TRAPPC9: variants seen among roughly 807,000 people sequenced by gnomAD.
TRAPPC9 encodes the protein trafficking protein particle complex subunit 9.
In TRAPPC9, 83 loss-of-function variants were observed where a neutral mutation model predicts 124.0. The observed-to-expected ratio is 0.67, with a 90% CI of 0.56 to 0.80. TRAPPC9 has a LOEUF of 0.80. Ranked by LOEUF, TRAPPC9 falls within the 30% of genes least tolerant of loss-of-function variation. The pLI is 0.00. For synonymous variants in TRAPPC9, 638 were observed against 617.5 expected (o/e 1.03, Z -0.49); for missense variants, 1,302 against 1,508.3 (o/e 0.86, Z 2.27).
chr8:140,357,077 G>C (rs2067774294), intron 9 of TRAPPC9, among the ~76,000 whole-genome samples: 1 of 152,188 alleles, frequency 6.6e-6, no homozygotes, highest in Non-Finnish European at 1.5e-5. Context: ...CAGGCAGAAT[G>C]AGGTTTTCTC....
intron 21 of TRAPPC9, among the ~76,000 whole-genome samples, chr8:139,743,518 G>C (rs540403346): frequency 1.3e-5 from 2 of 152,310 alleles, no homozygotes; most frequent in African/African-American, 2.4e-5. Context: ...AATTTCAGAA[G>C]ACACACATTT....
chr8:140,285,429 G>A (rs1395631502), intron 13 of TRAPPC9, among the ~76,000 whole-genome samples: 1 of 152,086 alleles, frequency 6.6e-6, no homozygotes, highest in Non-Finnish European at 1.5e-5. Context: ...ATCTCAACAG[G>A]GATCCTGGAT....
intron 21 of TRAPPC9, among the ~76,000 whole-genome samples, chr8:139,799,635 A>C (rs891161876): frequency 1.3e-5 from 2 of 152,124 alleles, no homozygotes; most frequent in African/African-American, 4.8e-5. Flanking sequence ...CCCCCCATGA[A>C]AATTCCGTGC....
At chr8:140,221,072 C>T (rs2063328510) in intron 17 of TRAPPC9, among the ~76,000 whole-genome samples, 1 of 152,194 alleles carries the variant, frequency 6.6e-6, no homozygotes, top group African/African-American at 2.4e-5. Context: ...TTCCTTGGTG[C>T]TTCCAAACCA....
chr8:140,036,025 T>C (rs192585216), intron 17 of TRAPPC9, among the ~76,000 whole-genome samples: 9 of 152,240 alleles, frequency 5.9e-5, no homozygotes, highest in East Asian at 3.9e-4. Context: ...CACAGGGGAA[T>C]TGAATGCCCA....
chr8:140,365,930 A>C (rs982679547), intron 8 of TRAPPC9, among the ~76,000 whole-genome samples: 35 of 151,726 alleles, frequency 2.3e-4, no homozygotes, highest in Admixed American at 2.0e-3. Context: ...TCTACCCTCC[A>C]CCCTCCAAAA....
At chr8:140,153,492 A>T (rs985673568) in intron 17 of TRAPPC9, among the ~76,000 whole-genome samples, 1 of 152,106 alleles carries the variant, frequency 6.6e-6, no homozygotes, top group South Asian at 2.1e-4. Flanking sequence ...CATGTGTATC[A>T]TTACAATTAC....
At chr8:140,135,245 A>G (rs538213600) in intron 17 of TRAPPC9, among the ~76,000 whole-genome samples, 12 of 152,298 alleles carry the variant, frequency 7.9e-5, no homozygotes, top group African/African-American at 2.9e-4. Context: ...CAATGTGGAA[A>G]CTTTTGGTAG....
intron 17 of TRAPPC9, among the ~76,000 whole-genome samples, chr8:140,179,545 A>G (rs957437281): frequency 1.3e-5 from 2 of 152,046 alleles, no homozygotes; most frequent in Non-Finnish European, 2.9e-5. Context: ...AATAATGTGT[A>G]TATTTGTTGT....
At chr8:139,774,618 G>T (rs369957647) in intron 21 of TRAPPC9, among the ~76,000 whole-genome samples, 1 of 152,158 alleles carries the variant, frequency 6.6e-6, no homozygotes, top group Non-Finnish European at 1.5e-5. Flanking sequence ...ATGTTTCCTC[G>T]GCCTCCCCAG....
rs754644350 is a variant in TRAPPC9, at chr8:140,451,249, C to G, written c.125G>C (p.Ser42Thr). The G allele has an allele frequency of 6.2e-7, 1 of 1,613,606 alleles. No homozygotes were observed. Among genetic ancestry groups the G allele is most frequent in the East Asian group, 2.2e-5 (1 of 44,894 alleles). The part of the protein sequence containing the change: ...FRIYKRICSV[S>T]QISVRDSQRV... ...CTGGGAGTCCCGCACGCTGATCTGA[C>G]TCACAGAGCAAATCCTCTTATAGAT... is the stretch of plus-strand genomic sequence containing the variant. The change falls in exon 2 of 23, where the codon AGT becomes ACT. Residue 42 changes from serine (S) to threonine (T), a missense_variant. Physicochemically the swap from Ser to Thr is moderately conservative, Grantham distance 58. This residue lies in a region of TRAPPC9 where 657 missense variants were observed against 811.2 expected (regional missense o/e 0.81). Transcript: ENST00000438773.
At chr8:139,790,041 T>C (rs1822545343) in intron 21 of TRAPPC9, among the ~76,000 whole-genome samples, 1 of 152,170 alleles carries the variant, frequency 6.6e-6, no homozygotes, top group Non-Finnish European at 1.5e-5. Context: ...CTGGGGAACA[T>C]GACGCCGCGT....
At chr8:139,881,516 T>C (rs1228859368) in intron 21 of TRAPPC9, among the ~76,000 whole-genome samples, 2 of 152,128 alleles carry the variant, frequency 1.3e-5, no homozygotes, top group African/African-American at 4.8e-5. Flanking sequence ...AACTAGCAAA[T>C]AGACCTGCTC....
chr8:140,029,352 C>T (rs1022661655), intron 17 of TRAPPC9, among the ~76,000 whole-genome samples: 1 of 152,166 alleles, frequency 6.6e-6, no homozygotes, highest in Admixed American at 6.5e-5. Context: ...TAAAAGTACA[C>T]AAATTAGCTG....
rs139021865 is a variant in TRAPPC9 at position 140,021,639 on chromosome 8, C to T, written c.2699+2298G>A. 3.7e-4 allele frequency among the ~76,000 whole-genome samples: 56 copies of T among 152,264 alleles called. No homozygotes were observed. The South Asian group carries it at 1.0e-2, about 27-fold the overall frequency. The stretch of plus-strand genomic sequence containing the variant: ...GTAGTAAAAAACAGGAATTGTGCTC[C>T]ATTTGTCTCTTAAACCAGTGATCTC... On this transcript the variant is annotated intron_variant, in intron 18 of 22. Transcript: ENST00000438773.
chr8:139,986,076 C>T (rs1269553680), intron 19 of TRAPPC9, among the ~76,000 whole-genome samples: 4 of 152,090 alleles, frequency 2.6e-5, no homozygotes, highest in Non-Finnish European at 4.4e-5. Context: ...AATCCCATCT[C>T]TACTAAAAAT....
chr8:140,351,967 T>C (rs1032731708), intron 9 of TRAPPC9, among the ~76,000 whole-genome samples: 2 of 152,180 alleles, frequency 1.3e-5, no homozygotes, highest in Non-Finnish European at 2.9e-5. Context: ...ACCACCACAA[T>C]GTACTATTGG....
chr8:140,144,898 G>C (rs535380231), intron 17 of TRAPPC9, among the ~76,000 whole-genome samples: 1 of 151,808 alleles, frequency 6.6e-6, no homozygotes, highest in Admixed American at 6.5e-5. Context: ...TTCTGAGATG[G>C]AGTCTCATTC....
intron 19 of TRAPPC9, chr8:139,931,047 G>A (rs915192473): frequency 6.6e-6 from 1 of 152,186 alleles, no homozygotes; most frequent in African/African-American, 2.4e-5. Context: ...CGAGGCCCTG[G>A]CTCTTGTCCT....
Sources: allele counts gnomAD v4.1 joint callset (sites outside exome capture counted in the v4.1 genomes callset), GRCh38; gene constraint gnomAD v4.1.1; regional missense constraint gnomAD v4.1.1; transcripts MANE v1.5; gene names NCBI Gene and HGNC (gene_info 2026-07-23, HGNC 2026-07-21).